Variants in LMBR1 observed in about 807,000 individuals in gnomAD.
LMBR1 encodes limb development membrane protein 1.
In LMBR1, 52 loss-of-function variants were observed where a neutral mutation model predicts 73.9. The ratio of observed to expected loss-of-function variants is 0.70; its 90% CI spans 0.56 to 0.89. The LOEUF is 0.89. Ranked by LOEUF, LMBR1 falls within the 40% of genes least tolerant of loss-of-function variation. LMBR1 has a pLI of 0.00. For synonymous variants in LMBR1, 215 were observed against 209.4 expected, an observed-to-expected ratio of 1.03 and a Z score of -0.23; for missense variants, 539 against 579.8, an observed-to-expected ratio of 0.93 and a Z score of 0.72.
intron 5 of LMBR1, among the ~76,000 whole-genome samples, chr7:156,785,263 C>A (rs1376588750): frequency 1.3e-5 from 2 of 151,994 alleles, no homozygotes; most frequent in Non-Finnish European, 2.9e-5. Context: ...GATGACAGAG[C>A]AAGACTCTGT....
intron 1 of LMBR1, among the ~76,000 whole-genome samples, chr7:156,846,375 C>T (rs534066140): frequency 2.0e-5 from 3 of 152,058 alleles, no homozygotes; most frequent in African/African-American, 7.2e-5. Flanking sequence ...AGCCTGGCAA[C>T]AGAGTGAGAC....
At chr7:156,725,375 T>C (rs1193135071) in intron 14 of LMBR1, 60 bp downstream of exon 14, 4 of 967,466 alleles carry the variant, frequency 4.1e-6, no homozygotes, top group Non-Finnish European at 6.4e-6. Flanking sequence ...GACTATTAAA[T>C]AAAGCAGTCT....
intron 1 of LMBR1, among the ~76,000 whole-genome samples, chr7:156,847,851 T>C (rs1795712206): frequency 1.3e-5 from 2 of 152,178 alleles, no homozygotes; most frequent in African/African-American, 4.8e-5. Context: ...GGAAGATAAC[T>C]TGGCAGTTTC....
At chr7:156,725,681 G>C (rs1373205260) in intron 13 of LMBR1, 83 bp downstream of exon 13, 14 of 1,340,888 alleles carry the variant, frequency 1.0e-5, no homozygotes, top group Non-Finnish European at 1.4e-5. Flanking sequence ...TTCTAGACAA[G>C]TGTCTTAGTA....
chr7:156,882,640 A>T (rs1801272677), intron 1 of LMBR1, among the ~76,000 whole-genome samples: 1 of 152,238 alleles, frequency 6.6e-6, no homozygotes, highest in African/African-American at 2.4e-5. Flanking sequence ...AAAGTTACTA[A>T]TCAATGGGCA....
chr7:156,723,480 C>A (rs1815055251), intron 15 of LMBR1, among the ~76,000 whole-genome samples: 2 of 152,096 alleles, frequency 1.3e-5, no homozygotes, highest in Non-Finnish European at 2.9e-5. Context: ...ATATGGTCTA[C>A]AATAGCATTT....
Position 156,728,023 on chromosome 7 carries a change from C to T in LMBR1, c.916-16G>A. 1 of 1,594,966 alleles carries T rather than the reference C, an allele frequency of 6.3e-7. No individual in the cohort carries two copies. Among genetic ancestry groups the T allele is most frequent in the Non-Finnish European group, 8.6e-7 (1 of 1,164,772 alleles). On this transcript the variant is annotated splice_polypyrimidine_tract_variant and intron_variant, in intron 11 of 16. Coordinates refer to ENST00000353442, the MANE Select transcript of LMBR1 (RefSeq NM_022458.4). The stretch of plus-strand genomic sequence containing the variant: ...CCGAGATGGACTACAAGACAAACAG[C>T]AAACTGTCAGCTCTCAAGATTTTTC...
At chr7:156,778,874 G>A (rs1239777570) in intron 5 of LMBR1, among the ~76,000 whole-genome samples, 3 of 152,246 alleles carry the variant, frequency 2.0e-5, no homozygotes, top group South Asian at 2.1e-4. Flanking sequence ...AAAATATGCC[G>A]ACTGCTCATT....
intron 4 of LMBR1, among the ~76,000 whole-genome samples, chr7:156,799,002 G>C (rs1830493356): frequency 6.6e-6 from 1 of 151,028 alleles, no homozygotes; most frequent in Non-Finnish European, 1.5e-5. Flanking sequence ...GACCAGCCTG[G>C]CCAGCATGGT....
intron 5 of LMBR1, among the ~76,000 whole-genome samples, chr7:156,789,726 T>C (rs1255431811): frequency 6.6e-6 from 1 of 152,214 alleles, no homozygotes; most frequent in Non-Finnish European, 1.5e-5. Context: ...TGTGGTATCC[T>C]AATGACTTAA....
chr7:156,816,759 T>C (rs1293946687), intron 4 of LMBR1, among the ~76,000 whole-genome samples: 3 of 152,200 alleles, frequency 2.0e-5, no homozygotes, highest in Non-Finnish European at 4.4e-5. Context: ...AATTACATTC[T>C]TGGCAATTTT....
intron 9 of LMBR1, among the ~76,000 whole-genome samples, chr7:156,748,152 A>T (rs1820177402): frequency 6.6e-6 from 1 of 152,216 alleles, no homozygotes; most frequent in African/African-American, 2.4e-5. Flanking sequence ...TGACATATCC[A>T]CAAAAATATG....
At chr7:156,790,624 T>C (rs1397957601) in intron 5 of LMBR1, among the ~76,000 whole-genome samples, 1 of 151,948 alleles carries the variant, frequency 6.6e-6, no homozygotes, top group African/African-American at 2.4e-5. Context: ...AACTGAGTGA[T>C]GTTTTTAAAA....
chr7:156,800,596 C>T (rs74449739), intron 4 of LMBR1, among the ~76,000 whole-genome samples: 4,842 of 151,772 alleles, frequency 0.032, 123 homozygotes, highest in South Asian at 0.085. Context: ...ATTTTCATGC[C>T]TTAACACAAC....
In LMBR1 at chr7:156,696,894, A is replaced by G. The variant is rs1303728849; in HGVS notation, c.1226-8703T>C. Among the ~76,000 whole-genome samples the G allele has an allele frequency of 2.6e-5, 4 of 152,294 alleles. No individual in the cohort carries two copies. In the East Asian group the frequency reaches 7.7e-4, roughly 29 times the overall value. The stretch of plus-strand genomic sequence containing the variant: ...GCATTAACTCAAAAGTCCACAGTCC[A>G]AAGTCTCATCTGAGACAAGGCAAGT... On this transcript the variant is annotated intron_variant, in intron 15 of 16. Transcript: ENST00000353442.
chr7:156,766,616 G>T (rs550156254), intron 5 of LMBR1, among the ~76,000 whole-genome samples: 4 of 152,276 alleles, frequency 2.6e-5, no homozygotes, highest in African/African-American at 9.6e-5. Context: ...AAAGAAAGAG[G>T]AGGGGCCCAT....
At chr7:156,697,633 T>C (rs1808612798) in intron 15 of LMBR1, among the ~76,000 whole-genome samples, 1 of 152,230 alleles carries the variant, frequency 6.6e-6, no homozygotes. Context: ...TGTCCATTTA[T>C]TGACTCTCTG....
chr7:156,686,710 T>C (rs1240721775), intron 16 of LMBR1, among the ~76,000 whole-genome samples: 1 of 152,220 alleles, frequency 6.6e-6, no homozygotes, highest in Non-Finnish European at 1.5e-5. Context: ...ATGTCCAGAA[T>C]ACCTAATTCA....
Position 156,737,499 on chromosome 7 carries a change from T to C in LMBR1, c.758-3242A>G, listed in dbSNP as rs149809746. On this transcript the variant is annotated intron_variant, in intron 9 of 16. Coordinates refer to ENST00000353442, the MANE Select transcript of LMBR1 (RefSeq NM_022458.4). The stretch of plus-strand genomic sequence containing the variant: ...GATCTGGGAAATCTTCATTTTGTCA[T>C]TTCCTCCACCACATTTTCTCTCCTC... Among the ~76,000 whole-genome samples, 4 of 152,298 alleles carry C rather than the reference T, an allele frequency of 2.6e-5. No individual in the cohort carries two copies. In the East Asian group the frequency reaches 7.7e-4, roughly 29 times the overall value.
Sources: gnomAD v4.1 joint callset for allele counts (sites outside exome capture counted in the v4.1 genomes callset) on GRCh38, gnomAD v4.1.1 for gene constraint, MANE v1.5 for transcripts, NCBI Gene and HGNC (gene_info 2026-07-23, HGNC 2026-07-21) for gene names.